The following ADAM15 variants were observed in gnomAD, a reference collection of about 807,000 sequenced individuals.
The protein encoded by ADAM15 is disintegrin and metalloproteinase domain-containing protein 15.
ADAM15 carries 77 observed loss-of-function variants against 113.8 expected under a neutral mutation model. The observed-to-expected ratio is 0.68, with a 90% CI of 0.56 to 0.82. The LOEUF (loss-of-function observed/expected upper bound fraction) is 0.82, where lower values mean the gene tolerates loss of function less well. Ranked by LOEUF, ADAM15 falls within the 40% of genes least tolerant of loss-of-function variation. The pLI, the probability that ADAM15 is intolerant of heterozygous loss-of-function variation, is 0.00. For missense variants in ADAM15, 963 were observed against 1,120.1 expected (o/e 0.86, Z 2.00); for synonymous variants, 388 against 454.1 (o/e 0.85, Z 1.85).
rs753298315 is a variant in ADAM15 at position 155,062,216 on chromosome 1, A to C, written c.2425-29A>C. 6 of 1,445,838 alleles carry C rather than the reference A, an allele frequency of 4.1e-6. No individual in the cohort carries two copies. Among genetic ancestry groups the C allele is most frequent in the Non-Finnish European group, 5.5e-6 (6 of 1,096,554 alleles). 89.6% of individuals were successfully genotyped at this position (1,445,838 alleles called of 1,614,324 possible). A position where few individuals can be genotyped will look rare whatever the true frequency, so the allele number is the denominator to read the frequency against. On this transcript the variant is annotated intron_variant, in intron 21 of 22. Coordinates refer to ENST00000356955, the MANE Select transcript of ADAM15 (RefSeq NM_207197.3). The surrounding 1 kb of genome is among the most constrained non-coding windows in gnomAD (Gnocchi z 7.0). Reference sequence around the variant, plus strand: ...TGGGCAACATGACACCCCCCCACCTAAGCCGGCCTCCTGCCTTCTCTCCCT... The same window carrying C: ...TGGGCAACATGACACCCCCCCACCTCAGCCGGCCTCCTGCCTTCTCTCCCT...
chr1:155,056,909 A>AG lies in ADAM15; in HGVS notation c.1000-42dup. ...GAGGGTGGTCTGGGCATTGTGGTGG[A>AG]GGCAGGCTGGGACTGGACCTACAGT... is the stretch of plus-strand genomic sequence containing the variant. On this transcript the variant is annotated intron_variant, in intron 10 of 22. Transcript: ENST00000356955. This position sits in a 1 kb window ranked among gnomAD's most constrained non-coding sequence, Gnocchi z 4.0. The AG allele has an allele frequency of 6.6e-7, 1 of 1,521,464 alleles. No individual in the cohort carries two copies. The allele number at this position is 1,521,464 out of a possible 1,614,324, so 94.2% of individuals were successfully genotyped here.
Position 155,058,826 on chromosome 1 carries a change from C to T in ADAM15, c.1995+39C>T, listed in dbSNP as rs376137988. 1 of 1,579,052 alleles carries T rather than the reference C, an allele frequency of 6.3e-7. No individual in the cohort carries two copies. Among genetic ancestry groups the T allele is most frequent in the South Asian group, 1.2e-5 (1 of 86,500 alleles). On this transcript the variant is annotated intron_variant, in intron 16 of 22. Coordinates refer to ENST00000356955, the MANE Select transcript of ADAM15 (RefSeq NM_207197.3). The surrounding 1 kb of genome is among the most constrained non-coding windows in gnomAD (Gnocchi z 4.3). ...GGGGAAGTGGAAGGGGAGCAGAGAG[C>T]CTCTAGAGAGGAAAAGGATACTGGG...
At chr1:155,060,933 T>G in intron 19 of ADAM15, 101 bp downstream of exon 19, 6 of 1,158,512 alleles carry the variant, frequency 5.2e-6, no homozygotes, top group Non-Finnish European at 7.5e-6. Flanking sequence ...AGAGAAAGGC[T>G]AGCACTGCCC....
In ADAM15 at chr1:155,062,151, G is replaced by A. The variant is rs1662730944; in HGVS notation, c.2425-94G>A. ...GCAGACAAGGGTGACCGCTGGTGCT[G>A]CCCCCAAGCTGGTGTTCCCCAGCAC... On this transcript the variant is annotated intron_variant, in intron 21 of 22. Coordinates refer to ENST00000356955, the MANE Select transcript of ADAM15 (RefSeq NM_207197.3). This position sits in a 1 kb window ranked among gnomAD's most constrained non-coding sequence, Gnocchi z 7.0. 1.4e-6 allele frequency: 2 copies of A among 1,446,090 alleles called. No individual in the cohort carries two copies. The highest frequency in any genetic ancestry group is 1.8e-6 in the Non-Finnish European group (2 of 1,098,140). The allele number at this position is 1,446,090 out of a possible 1,614,324, so 89.6% of individuals were successfully genotyped here.
In ADAM15 at chr1:155,053,982, C is replaced by A. The variant is rs749441164; in HGVS notation, c.336C>A (p.His112Gln). Residue 112 changes from histidine to glutamine, a missense_variant, in exon 4 of 23, where the codon CAC becomes CAA. Transcript: ENST00000356955. ...GCACTCGGGTGGTCAGTGAGGGACACACTTTGGTGAGTCAGGCCCTCTTGT... is the reference window on the plus strand; with the variant it reads ...GCACTCGGGTGGTCAGTGAGGGACAAACTTTGGTGAGTCAGGCCCTCTTGT... The part of the protein sequence containing the change: ...PDGTRVVSEG[H>Q]TLENCCYQGR... 9 of 1,614,182 alleles carry A rather than the reference C, an allele frequency of 5.6e-6. No homozygotes were observed. The East Asian group carries it at 2.0e-4, about 36-fold the overall frequency.
intron 6 of ADAM15, among the ~76,000 whole-genome samples, 155 bp downstream of exon 6, chr1:155,054,661 A>G (rs1309561331): frequency 6.6e-6 from 1 of 152,096 alleles, no homozygotes; most frequent in Admixed American, 6.5e-5. Context: ...TACTCCTCCC[A>G]TACCTAGGAG....
chr1:155,061,623 T>A, intron 20 of ADAM15, 134 bp downstream of exon 20: 2 of 1,013,170 alleles, frequency 2.0e-6, no homozygotes, highest in Non-Finnish European at 2.9e-6. Flanking sequence ...CTTCAGACAC[T>A]CTGAGCCCCA....
intron 16 of ADAM15, 124 bp from the exon 17 acceptor site, chr1:155,059,778 G>A: frequency 1.0e-6 from 1 of 993,712 alleles, no homozygotes; most frequent in Non-Finnish European, 1.5e-6. Context: ...CCTCCCTCCG[G>A]GCTGTCTCTA....
Position 155,062,383 on chromosome 1 carries a change from T to C in ADAM15, c.2549+14T>C. On this transcript the variant is annotated intron_variant, in intron 22 of 22. Coordinates refer to ENST00000356955, the MANE Select transcript of ADAM15 (RefSeq NM_207197.3). The surrounding 1 kb of genome is among the most constrained non-coding windows in gnomAD (Gnocchi z 7.0). Reference sequence around the variant, plus strand: ...GGTACCCTCCAGGTAGGAGGAGCCCTGGGCATGGGTGGGCGGGGCGAGTGA... The same window carrying C: ...GGTACCCTCCAGGTAGGAGGAGCCCCGGGCATGGGTGGGCGGGGCGAGTGA... 1 of 1,605,222 alleles carries C rather than the reference T, an allele frequency of 6.2e-7. No homozygotes were observed. Among genetic ancestry groups the C allele is most frequent in the Non-Finnish European group, 8.5e-7 (1 of 1,176,588 alleles).
Position 155,057,135 on chromosome 1 carries a change from G to A in ADAM15, c.1148+34G>A. ...CTGCAGGATGGAGAGAGGGTGTGGG[G>A]CAGGGGGCAGGGAGAGGCCCCCAGC... On this transcript the variant is annotated intron_variant, in intron 11 of 22. Coordinates refer to ENST00000356955, the MANE Select transcript of ADAM15 (RefSeq NM_207197.3). This position sits in a 1 kb window ranked among gnomAD's most constrained non-coding sequence, Gnocchi z 5.0. 6.3e-7 allele frequency: 1 copy of A among 1,581,904 alleles called. No individual in the cohort carries two copies. The highest frequency in any genetic ancestry group is 8.6e-7 in the Non-Finnish European group (1 of 1,161,622).
In ADAM15 at chr1:155,053,939, T is replaced by G; in HGVS notation, c.293T>G (p.Val98Gly). 1 of 1,614,104 alleles carries G rather than the reference T, an allele frequency of 6.2e-7. No individual in the cohort carries two copies. The change falls in exon 4 of 23, where the codon GTG becomes GGG. Residue 98 changes from valine to glycine, a missense_variant. Coordinates refer to ENST00000356955, the MANE Select transcript of ADAM15 (RefSeq NM_207197.3). ...RELVPGRPTL[V>G]WYQPDGTRVV... is the part of the protein sequence containing the mutation. ...TTGGTCCCAGGCCGCCCAACCCTGG[T>G]GTGGTACCAGCCCGATGGCACTCGG... is the stretch of plus-strand genomic sequence containing the variant.
At chr1:155,059,210 G>A (rs1374808343) in intron 16 of ADAM15, among the ~76,000 whole-genome samples, 1 of 152,158 alleles carries the variant, frequency 6.6e-6, no homozygotes. Flanking sequence ...TGGGATTACA[G>A]TCACCCGCCA....
rs199965567 is a variant in ADAM15, at chr1:155,057,802, C to T, written c.1417-49C>T. On this transcript the variant is annotated intron_variant, in intron 13 of 22. Transcript: ENST00000356955. This position sits in a 1 kb window ranked among gnomAD's most constrained non-coding sequence, Gnocchi z 5.0. ...AGGTGGAAAGGGTCATTCTGACCCC[C>T]GGCTGGATTTGCTCAGTGCCCACAC... 838 of 1,612,970 alleles carry T rather than the reference C, an allele frequency of 5.2e-4. 1 individual carries two copies. Among genetic ancestry groups the T allele is most frequent in the Non-Finnish European group, 6.7e-4 (791 of 1,179,164 alleles).
At position 155,057,830 on chromosome 1, in the gene ADAM15, A is replaced by G; in HGVS notation, c.1417-21A>G. ...CTGGATTTGCTCAGTGCCCACACTG[A>G]TGCTCATCCACCCTCCACAGCTGCG... On this transcript the variant is annotated intron_variant, in intron 13 of 22. Transcript: ENST00000356955. The surrounding 1 kb of genome is among the most constrained non-coding windows in gnomAD (Gnocchi z 5.0). The G allele has an allele frequency of 6.2e-7, 1 of 1,612,744 alleles. No homozygotes were observed. Among genetic ancestry groups the G allele is most frequent in the Non-Finnish European group, 8.5e-7 (1 of 1,179,016 alleles).
rs778882871 is a variant in ADAM15 at position 155,058,237 on chromosome 1, T to A, written c.1722-9T>A. 1 of 1,613,796 alleles carries A rather than the reference T, an allele frequency of 6.2e-7. No homozygotes were observed. Among genetic ancestry groups the A allele is most frequent in the East Asian group, 2.2e-5 (1 of 44,890 alleles). ...TACTAACTCTGTGTGCCCTTCCCCC[T>A]CCCCACAGAGATGCCATTTGTGGGC... On this transcript the variant is annotated splice_polypyrimidine_tract_variant and intron_variant, in intron 14 of 22. Transcript: ENST00000356955. This position sits in a 1 kb window ranked among gnomAD's most constrained non-coding sequence, Gnocchi z 4.3.
At position 155,060,821 on chromosome 1, in the gene ADAM15, C is replaced by G. The variant is rs146997186; in HGVS notation, c.2266C>G (p.Arg756Gly). The change falls in exon 19 of 23, where the codon CGA (arginine) becomes GGA (glycine). Residue 756 changes from arginine to glycine, a missense_variant. Physicochemically the swap from Arg to Gly is moderately radical, Grantham distance 125 (BLOSUM62 -2). Coordinates refer to ENST00000356955, the MANE Select transcript of ADAM15 (RefSeq NM_207197.3). Reference sequence around the variant, plus strand: ...ACCTCCGCAGAGGGCCCTGCTGGCACGAGGCACTAAGGTGAGTCCTGGATG... The same window carrying G: ...ACCTCCGCAGAGGGCCCTGCTGGCAGGAGGCACTAAGGTGAGTCCTGGATG... ...PGPPQRALLARGTKQASALSF... is the reference protein window; with the variant it reads ...PGPPQRALLAGGTKQASALSF... The G allele has an allele frequency of 3.1e-6, 5 of 1,611,724 alleles. No individual in the cohort carries two copies. In the African/African-American group the frequency reaches 6.7e-5, roughly 22 times the overall value.
At chr1:155,060,095 T>A in intron 17 of ADAM15, 110 bp from the exon 18 acceptor site, 1 of 1,572,360 alleles carries the variant, frequency 6.4e-7, no homozygotes, top group South Asian at 1.2e-5. Context: ...TCTGTGCCCC[T>A]TGAACCCTTC....
At position 155,060,332 on chromosome 1, in the gene ADAM15, C is replaced by T. The variant is rs1220631148; in HGVS notation, c.2196C>T (p.Thr732=). The T allele has an allele frequency of 6.2e-7, 1 of 1,614,110 alleles. No individual in the cohort carries two copies. The highest frequency in any genetic ancestry group is 8.5e-7 in the Non-Finnish European group (1 of 1,179,986). ...HQRLCQLKGP[T]CQYRAAQSGP... ...GACTCTGCCAGCTCAAGGGACCCACCTGCCAGTACAGGTATGAGCATCACC... is the reference window on the plus strand; with the variant it reads ...GACTCTGCCAGCTCAAGGGACCCACTTGCCAGTACAGGTATGAGCATCACC... The change falls in exon 18 of 23, where the codon ACC becomes ACT. Residue 732 remains threonine (T), a synonymous_variant. Coordinates refer to ENST00000356955, the MANE Select transcript of ADAM15 (RefSeq NM_207197.3).
At chr1:155,061,778 A>G in intron 20 of ADAM15, 126 bp from the exon 21 acceptor site, 2 of 1,101,220 alleles carry the variant, frequency 1.8e-6, no homozygotes, top group Non-Finnish European at 2.6e-6. Context: ...CCCTCTGCGC[A>G]TGCCCTCATT....
Sources: gnomAD v4.1 joint callset for allele counts (sites outside exome capture counted in the v4.1 genomes callset) on GRCh38, gnomAD v4.1.1 for gene constraint, Gnocchi (gnomAD v3.1) non-coding constraint, MANE v1.5 for transcripts, NCBI Gene and HGNC (gene_info 2026-07-23, HGNC 2026-07-21) for gene names.